Variants in CNTN6 observed in about 807,000 individuals in gnomAD.
CNTN6 encodes the protein contactin-6.
CNTN6 carries 137 observed loss-of-function variants against 122.8 expected under a neutral mutation model. The ratio of observed to expected loss-of-function variants is 1.12; its 90% CI spans 0.97 to 1.29. CNTN6 has a LOEUF of 1.29. CNTN6 is among the 50% of genes most tolerant of loss of function. The pLI, the probability that CNTN6 is intolerant of heterozygous loss-of-function variation, is 0.00. For synonymous variants in CNTN6, 570 were observed against 426.0 expected, an observed-to-expected ratio of 1.34 and a Z score of -4.16; for missense variants, 1,634 against 1,223.4, an observed-to-expected ratio of 1.34 and a Z score of -5.01.
At chr3:1,313,937 C>T (rs972589262) in intron 7 of CNTN6, among the ~76,000 whole-genome samples, 2 of 151,978 alleles carry the variant, frequency 1.3e-5, no homozygotes, top group Non-Finnish European at 2.9e-5. Flanking sequence ...TTTATAAGAA[C>T]ACTAATCCCA....
intron 2 of CNTN6, among the ~76,000 whole-genome samples, chr3:1,180,215 G>A: frequency 6.6e-6 from 1 of 152,104 alleles, no homozygotes; most frequent in East Asian, 1.9e-4. Flanking sequence ...GAAGGAGAAA[G>A]AGAGAGAGAG....
intron 4 of CNTN6, among the ~76,000 whole-genome samples, chr3:1,275,717 A>T (rs969446393): frequency 5.9e-5 from 9 of 152,278 alleles, no homozygotes; most frequent in African/African-American, 2.2e-4. Flanking sequence ...GGTTATCACA[A>T]GGAGTGTGCA....
intron 5 of CNTN6, among the ~76,000 whole-genome samples, chr3:1,289,653 T>C (rs992693504): frequency 4.2e-5 from 6 of 143,236 alleles, no homozygotes; most frequent in Non-Finnish European, 8.9e-5. Context: ...AGTTTTATCT[T>C]TTGTTTTGTT....
chr3:1,102,973 G>GAT (rs1322155441), intron 1 of CNTN6, among the ~76,000 whole-genome samples: 1 of 149,576 alleles, frequency 6.7e-6, no homozygotes, highest in African/African-American at 2.5e-5. Context: ...CGGGCGTGGT[G>GAT]GCGGCGCCTG....
chr3:1,098,789 C>CATATAT (rs1169127167), intron 1 of CNTN6, among the ~76,000 whole-genome samples: 938 of 63,070 alleles, frequency 0.015, 19 homozygotes, highest in South Asian at 0.032. Flanking sequence ...CACACACACA[C>CATATAT]ATATATATAT....
chr3:1,297,825 G>T, intron 6 of CNTN6, 64 bp from the exon 7 acceptor site: 1 of 1,271,102 alleles, frequency 7.9e-7, no homozygotes, highest in Non-Finnish European at 1.1e-6. Flanking sequence ...GGTTAATGAA[G>T]CATTTACTTC....
chr3:1,166,685 A>G (rs1402275876), intron 2 of CNTN6, among the ~76,000 whole-genome samples: 3 of 152,252 alleles, frequency 2.0e-5, no homozygotes, highest in East Asian at 3.9e-4. Flanking sequence ...CATATACACC[A>G]CAGAATACTA....
intron 11 of CNTN6, among the ~76,000 whole-genome samples, chr3:1,338,362 A>T (rs1255416291): frequency 6.6e-6 from 1 of 152,018 alleles, no homozygotes; most frequent in Non-Finnish European, 1.5e-5. Flanking sequence ...CATGATTTTG[A>T]TTTAGTAGGT....
At chr3:1,201,395 C>CT (rs752505974) in intron 2 of CNTN6, among the ~76,000 whole-genome samples, 13 of 151,974 alleles carry the variant, frequency 8.6e-5, no homozygotes, top group East Asian at 3.9e-4. Context: ...GGAAAATTAG[C>CT]TTTTTTTTCT....
intron 5 of CNTN6, among the ~76,000 whole-genome samples, chr3:1,294,759 G>T (rs1695921116): frequency 6.6e-6 from 1 of 152,152 alleles, no homozygotes; most frequent in African/African-American, 2.4e-5. Flanking sequence ...TTCCTTCTTA[G>T]AAGTCTTTTC....
intron 4 of CNTN6, among the ~76,000 whole-genome samples, chr3:1,253,320 T>C (rs576007450): frequency 1.3e-5 from 2 of 152,286 alleles, no homozygotes; most frequent in South Asian, 4.1e-4. Context: ...AGTCTTGTTC[T>C]GCGAAAATTT....
intron 2 of CNTN6, among the ~76,000 whole-genome samples, chr3:1,201,395 C>T (rs539158134): frequency 1.8e-4 from 28 of 151,974 alleles, no homozygotes; most frequent in Non-Finnish European, 2.6e-4. Context: ...GGAAAATTAG[C>T]TTTTTTTTCT....
At chr3:1,289,248 A>G (rs771891662) in intron 5 of CNTN6, among the ~76,000 whole-genome samples, 1 of 152,152 alleles carries the variant, frequency 6.6e-6, no homozygotes, top group Non-Finnish European at 1.5e-5. Context: ...GGAACAAAAT[A>G]GATAAAAGCC....
chr3:1,138,982 G>C (rs1425098928), intron 1 of CNTN6, among the ~76,000 whole-genome samples: 2 of 151,982 alleles, frequency 1.3e-5, no homozygotes, highest in Non-Finnish European at 2.9e-5. Context: ...ATATTCAGTA[G>C]GATTGGGCTG....
intron 17 of CNTN6, among the ~76,000 whole-genome samples, chr3:1,380,668 TCA>T (rs1691727746): frequency 6.6e-6 from 1 of 152,198 alleles, no homozygotes; most frequent in African/African-American, 2.4e-5. Flanking sequence ...TTCTAATGTC[TCA>T]GTCTGCTTTT....
At chr3:1,299,364 G>A (rs1392725855) in intron 7 of CNTN6, among the ~76,000 whole-genome samples, 8 of 152,062 alleles carry the variant, frequency 5.3e-5, no homozygotes, top group African/African-American at 1.9e-4. Context: ...ACCAATGAAA[G>A]AGAGTATCTG....
intron 12 of CNTN6, among the ~76,000 whole-genome samples, chr3:1,361,292 T>G (rs1317454823): frequency 6.6e-6 from 1 of 152,150 alleles, no homozygotes; most frequent in Non-Finnish European, 1.5e-5. Context: ...GCATTTGTCC[T>G]AATTCTTTGT....
intron 2 of CNTN6, among the ~76,000 whole-genome samples, chr3:1,167,273 C>T (rs2093273370): frequency 6.6e-6 from 1 of 152,148 alleles, no homozygotes; most frequent in Non-Finnish European, 1.5e-5. Flanking sequence ...GATACACATT[C>T]AAGTCACACT....
At chr3:1,328,513 G>A (rs773925461) in intron 10 of CNTN6, among the ~76,000 whole-genome samples, 4 of 151,854 alleles carry the variant, frequency 2.6e-5, no homozygotes, top group Middle Eastern at 3.4e-3. Context: ...GTACTGAGCT[G>A]TATCAAGATG....
Sources: gnomAD v4.1 joint callset for allele counts (sites outside exome capture counted in the v4.1 genomes callset) on GRCh38, gnomAD v4.1.1 for gene constraint, MANE v1.5 for transcripts, NCBI Gene and HGNC (gene_info 2026-07-23, HGNC 2026-07-21) for gene names.